PRDM10: variants seen among roughly 807,000 people sequenced by gnomAD.
The protein encoded by PRDM10 is PR/SET domain 10, also known as PR domain zinc finger protein 10.
Under a neutral mutation model 133.1 loss-of-function variants are expected in PRDM10, and 65 were observed. That is an observed-to-expected ratio of 0.49 (90% CI 0.40 to 0.60). PRDM10 has a LOEUF of 0.60. PRDM10 is among the 20% of genes least tolerant of loss of function. The pLI is 0.00. For synonymous variants in PRDM10, 582 were observed against 580.4 expected (o/e 1.00, Z -0.04); for missense variants, 1,137 against 1,507.1 (o/e 0.75, Z 4.07).
intron 1 of PRDM10, among the ~76,000 whole-genome samples, chr11:129,987,943 G>A (rs760228623): frequency 3.3e-5 from 5 of 152,208 alleles, no homozygotes; most frequent in Non-Finnish European, 5.9e-5. Context: ...GGAGCTTGCA[G>A]TGAGCCGAGA....
rs1374181297 is a variant in PRDM10, at chr11:129,924,895, G to C, written c.1865C>G (p.Pro622Arg). ...FTCPTCKKRF[P>R]DFIQVKKHVR... Reference sequence around the variant, plus strand: ...GTAGACACTCACCTGGATAAAATCTGGGAACCGTTTCTTACAAGTTGGGCA... The same window carrying C: ...GTAGACACTCACCTGGATAAAATCTCGGAACCGTTTCTTACAAGTTGGGCA... The change falls in exon 12 of 21, where the codon CCA becomes CGA. Residue 622 changes from proline (P) to arginine (R), a missense_variant. Pro to Arg is a moderately radical substitution (Grantham distance 103). Around this residue, in one of 6 missense-constraint regions of PRDM10, gnomAD observed 635 missense variants for 835.2 expected, o/e 0.76. Coordinates refer to ENST00000360871, the MANE Select transcript of PRDM10 (RefSeq NM_199437.2). The C allele has an allele frequency of 6.2e-7, 1 of 1,602,570 alleles. No homozygotes were observed. The highest frequency in any genetic ancestry group is 8.5e-7 in the Non-Finnish European group (1 of 1,174,672).
intron 4 of PRDM10, among the ~76,000 whole-genome samples, chr11:129,950,362 G>T (rs760565695): frequency 3.9e-5 from 6 of 152,148 alleles, no homozygotes; most frequent in Non-Finnish European, 7.3e-5. Flanking sequence ...AGATCAAACC[G>T]GTTATCTCAA....
intron 1 of PRDM10, among the ~76,000 whole-genome samples, chr11:129,968,376 A>C (rs1303373458): frequency 6.6e-6 from 1 of 152,160 alleles, no homozygotes; most frequent in Non-Finnish European, 1.5e-5. Context: ...CATGCTATGG[A>C]AAGAAGTTAT....
In PRDM10 at chr11:129,925,121, A is replaced by G; in HGVS notation, c.1639T>C (p.Phe547Leu). 2.5e-6 allele frequency: 4 copies of G among 1,614,198 alleles called. No individual in the cohort carries two copies. Among genetic ancestry groups the G allele is most frequent in the Non-Finnish European group, 2.5e-6 (3 of 1,180,028 alleles). The change falls in exon 12 of 21, where the codon TTC (phenylalanine) becomes CTC (leucine). Residue 547 changes from phenylalanine to leucine, a missense_variant. Transcript: ENST00000360871. The stretch of plus-strand genomic sequence containing the variant: ...GGGCAGTTCCCCTCCCGCCCATGGA[A>G]GCGTAAGTGCTGGTCCAGTTTGTCC... Reference protein sequence around the residue: ...EKDKLDQHLRFHGREGNCPLT... With the variant: ...EKDKLDQHLRLHGREGNCPLT...
At chr11:129,984,271 C>T (rs570798589) in intron 1 of PRDM10, among the ~76,000 whole-genome samples, 203 of 152,326 alleles carry the variant, frequency 1.3e-3, no homozygotes, top group African/African-American at 4.4e-3. Context: ...GCCTTCTCTG[C>T]GCACCAGCTA....
intron 16 of PRDM10, 122 bp from the exon 17 acceptor site, chr11:129,915,140 G>A (rs1676819449): frequency 7.1e-6 from 7 of 981,802 alleles, no homozygotes; most frequent in South Asian, 1.8e-5. Context: ...AAAAATCAGA[G>A]CAACACTGAC....
intron 1 of PRDM10, among the ~76,000 whole-genome samples, chr11:129,970,025 A>G (rs1296981342): frequency 6.6e-6 from 1 of 152,230 alleles, no homozygotes; most frequent in East Asian, 1.9e-4. Flanking sequence ...ATCAAATTCT[A>G]TGGCATAGAA....
chr11:129,948,045 G>A (rs1565489217), intron 4 of PRDM10: 1 of 456,694 alleles, frequency 2.2e-6, no homozygotes, highest in Non-Finnish European at 4.4e-6. Context: ...GCAGGCTGAG[G>A]TTTTTAAGTA....
chr11:129,998,882 G>A (rs1025295152), intron 1 of PRDM10, among the ~76,000 whole-genome samples: 4 of 151,286 alleles, frequency 2.6e-5, no homozygotes, highest in Non-Finnish European at 4.4e-5. Flanking sequence ...GAGTGCAGTG[G>A]CGTGATCTCG....
chr11:129,942,350 G>A, intron 7 of PRDM10, 76 bp downstream of exon 7: 1 of 1,481,414 alleles, frequency 6.8e-7, no homozygotes, highest in South Asian at 1.3e-5. Flanking sequence ...ACCCACTTTA[G>A]GAAAATAAAA....
At chr11:129,986,333 T>C (rs2135982377) in intron 1 of PRDM10, among the ~76,000 whole-genome samples, 1 of 152,290 alleles carries the variant, frequency 6.6e-6, no homozygotes, top group Middle Eastern at 3.4e-3. Flanking sequence ...TCTAGCAGCC[T>C]GCTACTGACC....
At chr11:130,001,675 G>C (rs1003863428) in intron 1 of PRDM10, among the ~76,000 whole-genome samples, 19 of 152,224 alleles carry the variant, frequency 1.2e-4, no homozygotes, top group African/African-American at 4.6e-4. Flanking sequence ...TCGCGTGGCT[G>C]GAGGGCAGAC....
rs11221912 is a variant in PRDM10, at chr11:129,960,901, C to T, written c.64G>A (p.Ala22Thr). Residue 22 changes from alanine (A) to threonine (T), a missense_variant, in exon 2 of 21, where the codon GCA becomes ACA. Ala to Thr is a moderately conservative substitution (Grantham distance 58, BLOSUM62 0). This residue lies in a region of PRDM10 where 635 missense variants were observed against 835.2 expected (regional missense o/e 0.76). Coordinates refer to ENST00000360871, the MANE Select transcript of PRDM10 (RefSeq NM_199437.2). ...PTSAEHEQNAAQVHFVPDTGT... is the reference protein window; with the variant it reads ...PTSAEHEQNATQVHFVPDTGT... The stretch of plus-strand genomic sequence containing the variant: ...TGGAAAAGACCAGTCTTCACCTGTG[C>T]GGCATTCTGTTCATGCTCTGCAGAT... 142,161 of 1,613,482 alleles carry T rather than the reference C, an allele frequency of 0.088. 15,182 individuals are homozygous for T. The highest frequency in any genetic ancestry group is 0.51 in the East Asian group (22,661 of 44,800).
At chr11:129,982,148 A>G (rs1379125513) in intron 1 of PRDM10, among the ~76,000 whole-genome samples, 3 of 151,540 alleles carry the variant, frequency 2.0e-5, no homozygotes, top group Non-Finnish European at 2.9e-5. Flanking sequence ...GATCCCAGCT[A>G]CTCCGGAGGC....
rs534447197 is a variant in PRDM10, at chr11:129,929,490, G to A, written c.1530+1526C>T. On this transcript the variant is annotated intron_variant, in intron 11 of 20. Transcript: ENST00000360871. ...AATTGGATTGGAAGACTTCCCTTCA[G>A]TTGGTCATTACCAATCTGGATAGAA... 2.3e-4 allele frequency: 322 copies of A among 1,370,444 alleles called. 3 individuals are homozygous for A. The East Asian group carries it at 8.1e-3, about 34-fold the overall frequency. 84.9% of individuals were successfully genotyped at this position (1,370,444 alleles called of 1,614,324 possible). A position where few individuals can be genotyped will look rare whatever the true frequency, so the allele number is the denominator to read the frequency against.
intron 6 of PRDM10, among the ~76,000 whole-genome samples, chr11:129,944,489 G>A (rs1174903612): frequency 1.3e-5 from 2 of 150,882 alleles, no homozygotes; most frequent in African/African-American, 2.5e-5. Context: ...GGAGGCTGAG[G>A]CAGGAGAATG....
At position 129,918,646 on chromosome 11, in the gene PRDM10, T is replaced by C. The variant is rs1434892360; in HGVS notation, c.2107A>G (p.Ile703Val). 6.2e-7 allele frequency: 1 copy of C among 1,614,214 alleles called. No homozygotes were observed. The highest frequency in any genetic ancestry group is 8.5e-7 in the Non-Finnish European group (1 of 1,180,018). The change falls in exon 14 of 21, where the codon ATC becomes GTC. Residue 703 changes from isoleucine to valine, a missense_variant. Physicochemically the swap from Ile to Val is conservative, Grantham distance 29. Around this residue, in one of 6 missense-constraint regions of PRDM10, gnomAD observed 78 missense variants for 96.4 expected, o/e 0.81. Coordinates refer to ENST00000360871, the MANE Select transcript of PRDM10 (RefSeq NM_199437.2). This position sits in a 1 kb window ranked among gnomAD's most constrained non-coding sequence, Gnocchi z 5.3. ...PEREAKKADR[I>V]SRSKTFKPRI... ...GGCTTGAACGTCTTGGAGCGGCTGATGCGGTCGGCTTTCTTGGCCTCCCTC... is the reference window on the plus strand; with the variant it reads ...GGCTTGAACGTCTTGGAGCGGCTGACGCGGTCGGCTTTCTTGGCCTCCCTC...
At chr11:129,959,263 C>A (rs1951752708) in intron 2 of PRDM10, among the ~76,000 whole-genome samples, 1 of 152,158 alleles carries the variant, frequency 6.6e-6, no homozygotes, top group East Asian at 1.9e-4. Context: ...AGTCTGGCTT[C>A]TACATAAATT....
At position 129,925,228 on chromosome 11, in the gene PRDM10, T is replaced by C; in HGVS notation, c.1532A>G (p.Asn511Ser). The change falls in exon 12 of 21, where the codon AAT becomes AGT. Residue 511 changes from asparagine to serine, a missense_variant and splice_region_variant. By Grantham distance (46) the Asn-to-Ser change is conservative (BLOSUM62 1). Transcript: ENST00000360871. ...AATAAACAGATGCTGAAGAGCTGCA[T>C]TCTGAAAGACATACACAAATGTGAT... ...DDMRRAKRIR[N>S]AALQHLFIRK... 6.2e-7 allele frequency: 1 copy of C among 1,603,196 alleles called. No homozygotes were observed. The highest frequency in any genetic ancestry group is 8.5e-7 in the Non-Finnish European group (1 of 1,175,182).
Sources: gnomAD v4.1 joint callset for allele counts (sites outside exome capture counted in the v4.1 genomes callset) on GRCh38, gnomAD v4.1.1 for gene constraint, gnomAD v4.1.1 regional missense constraint, Gnocchi (gnomAD v3.1) non-coding constraint, MANE v1.5 for transcripts, NCBI Gene and HGNC (gene_info 2026-07-23, HGNC 2026-07-21) for gene names.